Variants in TMEM72 observed in about 807,000 individuals in gnomAD.
The protein encoded by TMEM72 is kidney-specific secretory protein of 37 kDa.
In TMEM72, 9 loss-of-function variants were observed where a neutral mutation model predicts 16.3. That is an observed-to-expected ratio of 0.55 (90% confidence interval 0.33 to 0.96). TMEM72 has a LOEUF of 0.96. Ranked by LOEUF, TMEM72 falls within the 40% of genes least tolerant of loss-of-function variation. TMEM72 has a pLI of 0.03. For synonymous variants in TMEM72, 160 were observed against 146.5 expected (o/e 1.09, Z -0.66); for missense variants, 324 against 337.8 (o/e 0.96, Z 0.32).
intron 3 of TMEM72, among the ~76,000 whole-genome samples, chr10:44,932,493 CA>C (rs1297828397): frequency 6.6e-6 from 1 of 152,166 alleles, no homozygotes; most frequent in Non-Finnish European, 1.5e-5. Flanking sequence ...AAGTCAGGGG[CA>C]GTATGTCTCT....
chr10:44,920,447 G>A (rs557731903), intron 1 of TMEM72, among the ~76,000 whole-genome samples: 114 of 152,326 alleles, frequency 7.5e-4, no homozygotes, highest in Admixed American at 2.2e-3. Context: ...CCTGAGCCCC[G>A]TGGGGACCCT....
chr10:44,912,491 T>G (rs936469985), intron 1 of TMEM72, among the ~76,000 whole-genome samples: 1 of 152,194 alleles, frequency 6.6e-6, no homozygotes, highest in African/African-American at 2.4e-5. Flanking sequence ...GGCAAAAGCT[T>G]ACCCACGGGT....
At position 44,935,001 on chromosome 10, in the gene TMEM72, T is replaced by A; in HGVS notation, c.695T>A (p.Val232Asp). The change falls in exon 5 of 5, where the codon GTC becomes GAC. Residue 232 changes from valine (V) to aspartate (D), a missense_variant. Physicochemically the swap from Val to Asp is radical, Grantham distance 152. Coordinates refer to ENST00000389583, the MANE Select transcript of TMEM72 (RefSeq NM_001123376.3). ...TTTGAAGACAACTTGGTCCGCATAG[T>A]CCCCTCCCTCGCCGAAGGTCTGGAT... is the stretch of plus-strand genomic sequence containing the variant. ...VHFEDNLVRI[V>D]PSLAEGLDDG... The A allele has an allele frequency of 3.7e-6, 6 of 1,613,860 alleles. No homozygotes were observed. The highest frequency in any genetic ancestry group is 2.7e-5 in the African/African-American group (2 of 74,950).
At chr10:44,912,104 T>C (rs1379155075) in intron 1 of TMEM72, among the ~76,000 whole-genome samples, 1 of 152,172 alleles carries the variant, frequency 6.6e-6, no homozygotes, top group Non-Finnish European at 1.5e-5. Context: ...CTCGGGCCCA[T>C]GCTGGACCCT....
chr10:44,930,348 G>A (rs1014577211), intron 2 of TMEM72, among the ~76,000 whole-genome samples: 2 of 152,118 alleles, frequency 1.3e-5, no homozygotes, highest in African/African-American at 2.4e-5. Context: ...TGCAAAACAC[G>A]TCTTGATGTG....
chr10:44,924,679 T>A, intron 1 of TMEM72, among the ~76,000 whole-genome samples: 1 of 152,168 alleles, frequency 6.6e-6, no homozygotes, highest in East Asian at 1.9e-4. Context: ...ACCCCAAAAG[T>A]GGGAGGACTG....
At chr10:44,916,902 C>T (rs2132711838) in intron 1 of TMEM72, among the ~76,000 whole-genome samples, 1 of 152,256 alleles carries the variant, frequency 6.6e-6, no homozygotes, top group East Asian at 1.9e-4. Context: ...GTTGCTGAGT[C>T]CCCAGTGATC....
At chr10:44,924,983 T>C (rs1840162492) in intron 1 of TMEM72, among the ~76,000 whole-genome samples, 1 of 152,212 alleles carries the variant, frequency 6.6e-6, no homozygotes, top group Non-Finnish European at 1.5e-5. Flanking sequence ...TTTGCATTGA[T>C]CACCTGACAT....
chr10:44,925,000 G>A (rs1840162859), intron 1 of TMEM72, among the ~76,000 whole-genome samples: 1 of 152,188 alleles, frequency 6.6e-6, no homozygotes, highest in Non-Finnish European at 1.5e-5. Flanking sequence ...ACATCTATCA[G>A]GCACTAAGCC....
chr10:44,933,528 C>A, intron 3 of TMEM72, 109 bp from the exon 4 acceptor site: 1 of 1,419,974 alleles, frequency 7.0e-7, no homozygotes, highest in Non-Finnish European at 9.5e-7. Flanking sequence ...TCAGCCAGGG[C>A]CCACTGCAGA....
chr10:44,919,648 T>C (rs537645697), intron 1 of TMEM72, among the ~76,000 whole-genome samples: 1 of 152,244 alleles, frequency 6.6e-6, no homozygotes, highest in South Asian at 2.1e-4. Context: ...TCTAAATGAA[T>C]GGAGATGCAT....
chr10:44,930,473 G>A (rs1403582780), intron 2 of TMEM72, among the ~76,000 whole-genome samples: 2 of 152,080 alleles, frequency 1.3e-5, no homozygotes, highest in African/African-American at 2.4e-5. Flanking sequence ...TTTCCTCATC[G>A]GTAAACTGAC....
chr10:44,930,070 C>T (rs1296934122), intron 2 of TMEM72, among the ~76,000 whole-genome samples: 1 of 152,218 alleles, frequency 6.6e-6, no homozygotes, highest in Non-Finnish European at 1.5e-5. Context: ...TGCAGGCTGC[C>T]TTCTGCCCAG....
intron 1 of TMEM72, among the ~76,000 whole-genome samples, chr10:44,924,234 C>T (rs1443404208): frequency 6.6e-6 from 1 of 152,160 alleles, no homozygotes; most frequent in Non-Finnish European, 1.5e-5. Flanking sequence ...CCCTGCAGTG[C>T]CTGGCCCCTC....
rs1008054774 is a variant in TMEM72, at chr10:44,936,311, A to G, written c.*1177A>G. The G allele has an allele frequency of 3.9e-5, 6 of 152,256 alleles. No homozygotes were observed. The highest frequency in any genetic ancestry group is 7.3e-5 in the Non-Finnish European group (5 of 68,052). 9.4% of individuals were successfully genotyped at this position (152,256 alleles called of 1,614,324 possible). ...AGGAGGAAGAGTCCTGTGGCTTCTC[A>G]GTCCCTGTGGAGGCTAACGCAAAGC... is the stretch of plus-strand genomic sequence containing the variant. On this transcript the variant is annotated 3_prime_UTR_variant, in exon 5 of 5. Transcript: ENST00000389583.
chr10:44,925,325 T>A (rs1459329257), intron 1 of TMEM72, among the ~76,000 whole-genome samples: 2 of 152,166 alleles, frequency 1.3e-5, no homozygotes, highest in Non-Finnish European at 2.9e-5. Flanking sequence ...CAGGTGCAGG[T>A]CAGGGAAGAA....
chr10:44,926,277 T>C (rs1233689208), intron 1 of TMEM72, among the ~76,000 whole-genome samples: 1 of 151,406 alleles, frequency 6.6e-6, no homozygotes, highest in African/African-American at 2.4e-5. Context: ...TGGAAAGCAG[T>C]GGGTAGCAGG....
chr10:44,918,041 G>C (rs1474437663), intron 1 of TMEM72, among the ~76,000 whole-genome samples: 1 of 152,174 alleles, frequency 6.6e-6, no homozygotes, highest in Non-Finnish European at 1.5e-5. Flanking sequence ...GCCAGGAGGA[G>C]CAAGTCACAT....
intron 2 of TMEM72, among the ~76,000 whole-genome samples, chr10:44,929,556 C>T (rs1378476933): frequency 1.3e-5 from 2 of 152,248 alleles, no homozygotes; most frequent in Non-Finnish European, 2.9e-5. Context: ...AGGCCTCTTG[C>T]TGTGTTTGGG....
Sources: allele counts gnomAD v4.1 joint callset (sites outside exome capture counted in the v4.1 genomes callset), GRCh38; gene constraint gnomAD v4.1.1; transcripts MANE v1.5; gene names NCBI Gene and HGNC (gene_info 2026-07-23, HGNC 2026-07-21).